Variants in EVC observed in about 807,000 individuals in gnomAD.
EVC encodes evC complex member EVC.
Under a neutral mutation model 118.9 loss-of-function variants are expected in EVC, and 116 were observed. The observed-to-expected ratio is 0.98, with a 90% CI of 0.84 to 1.14. The LOEUF is 1.14. Among genes scored for constraint, EVC ranks in the 50% most tolerant of loss-of-function variants. The probability of loss-of-function intolerance (pLI) is 0.00; values close to 1 mark genes in which losing one functional copy is unlikely to be tolerated. For missense variants in EVC, 1,401 were observed against 1,246.4 expected, an observed-to-expected ratio of 1.12 and a Z score of -1.87; for synonymous variants, 619 against 534.7, an observed-to-expected ratio of 1.16 and a Z score of -2.18.
At chr4:5,757,384 G>C (rs1731329205) in intron 11 of EVC, among the ~76,000 whole-genome samples, 1 of 152,210 alleles carries the variant, frequency 6.6e-6, no homozygotes, top group African/African-American at 2.4e-5. Flanking sequence ...CTCATGCAGT[G>C]GTGGGAAGTG....
Position 5,745,224 on chromosome 4 carries a change from G to C in EVC, c.822G>C (p.Lys274Asn). 1.2e-6 allele frequency: 2 copies of C among 1,613,758 alleles called. No homozygotes were observed. Among genetic ancestry groups the C allele is most frequent in the Non-Finnish European group, 1.7e-6 (2 of 1,179,854 alleles). Reference sequence around the variant, plus strand: ...TTCAGGATTTGGAGGAACTAGAAAAGGGACTTCAGGTCAAACTGTCAAACA... The same window carrying C: ...TTCAGGATTTGGAGGAACTAGAAAACGGACTTCAGGTCAAACTGTCAAACA... ...KQEKDLEELE[K>N]GLQVKLSNTE... Residue 274 changes from lysine to asparagine, a missense_variant, in exon 7 of 21, where the codon AAG becomes AAC. Transcript: ENST00000264956.
intron 1 of EVC, among the ~76,000 whole-genome samples, chr4:5,715,631 G>C (rs1723808482): frequency 6.6e-6 from 1 of 151,772 alleles, no homozygotes; most frequent in Non-Finnish European, 1.5e-5. Flanking sequence ...ACTCTTTTGA[G>C]AACTTCTATG....
chr4:5,825,228 AGCACTG>A, the EVC span: 1 of 985,316 alleles, frequency 1.0e-6, no homozygotes, highest in Non-Finnish European at 1.2e-6. This position sits in a 1 kb window ranked among gnomAD's most constrained non-coding sequence, Gnocchi z 4.4. Context: ...TGTAAGGATG[AGCACTG>A]GGACAATTTT....
At chr4:5,760,832 G>A (rs182679165) in intron 11 of EVC, among the ~76,000 whole-genome samples, 6 of 152,276 alleles carry the variant, frequency 3.9e-5, no homozygotes, top group East Asian at 1.9e-4. Context: ...GATTATAGGC[G>A]TGAGCCACCG....
rs1018596927 is a variant in EVC at position 5,813,979 on chromosome 4, T to C, written c.*2942T>C. 1.3e-5 allele frequency: 2 copies of C among 152,252 alleles called. No individual in the cohort carries two copies. 9.4% of individuals were successfully genotyped at this position (152,252 alleles called of 1,614,324 possible). Reference sequence around the variant, plus strand: ...CTTCCATGCTGGAATTGCTCCCTGATTAAAATGAGATATGGCTATTTGGAA... The same window carrying C: ...CTTCCATGCTGGAATTGCTCCCTGACTAAAATGAGATATGGCTATTTGGAA... On this transcript the variant is annotated 3_prime_UTR_variant, in exon 21 of 21. Transcript: ENST00000264956.
At chr4:5,716,571 T>C (rs10027288) in intron 1 of EVC, among the ~76,000 whole-genome samples, 126,367 of 152,128 alleles carry the variant, frequency 0.83, 52,809 homozygotes, top group African/African-American at 0.92. Context: ...TCAGAGTGGA[T>C]CCATTGGATG....
intron 11 of EVC, among the ~76,000 whole-genome samples, chr4:5,760,898 G>A (rs1040441224): frequency 6.6e-6 from 1 of 152,146 alleles, no homozygotes; most frequent in African/African-American, 2.4e-5. Flanking sequence ...AGTCTGGAGG[G>A]ATTTCCTTAG....
downstream of EVC, among the ~76,000 whole-genome samples, chr4:5,819,020 A>G (rs185981979): frequency 4.6e-5 from 7 of 152,196 alleles, no homozygotes; most frequent in South Asian, 2.1e-4. Context: ...GACTTACAAC[A>G]AAGGCCCCAC....
intron 15 of EVC, among the ~76,000 whole-genome samples, chr4:5,799,399 C>G (rs1325934324): frequency 6.6e-6 from 1 of 152,212 alleles, no homozygotes; most frequent in African/African-American, 2.4e-5. Context: ...ATTTTCCCCA[C>G]AGTCCTTGCA....
rs1729211125 is a variant in EVC, at chr4:5,745,361, T to A, written c.939+20T>A. On this transcript the variant is annotated intron_variant, in intron 7 of 20. Transcript: ENST00000264956. ...GATAATGTGCGTGCCAGACTTTCTT[T>A]CCTGTACACAAATTTTGGTTCCTAA... is the stretch of plus-strand genomic sequence containing the variant. 6.2e-7 allele frequency: 1 copy of A among 1,609,436 alleles called. No individual in the cohort carries two copies.
chr4:5,729,660 A>C (rs1440933139), intron 3 of EVC, among the ~76,000 whole-genome samples: 1 of 152,142 alleles, frequency 6.6e-6, no homozygotes, highest in Non-Finnish European at 1.5e-5. Context: ...ACACTAATAC[A>C]AACACTGATA....
At chr4:5,758,943 C>T (rs1424831657) in intron 11 of EVC, among the ~76,000 whole-genome samples, 2 of 152,098 alleles carry the variant, frequency 1.3e-5, no homozygotes, top group African/African-American at 4.8e-5. Flanking sequence ...AGACAGGATG[C>T]CCTGGGAGAT....
chr4:5,718,256 A>G (rs1211014083), intron 1 of EVC, among the ~76,000 whole-genome samples: 2 of 152,214 alleles, frequency 1.3e-5, no homozygotes, highest in Non-Finnish European at 2.9e-5. Flanking sequence ...CAACATTTCC[A>G]TTAACCAGTC....
At chr4:5,824,233 T>C in the EVC span, 2 of 944,754 alleles carry the variant, frequency 2.1e-6, no homozygotes, top group Non-Finnish European at 2.5e-6. Flanking sequence ...TGCACCCAGA[T>C]AGCTTTTTCC....
chr4:5,745,699 C>A (rs1336655119), intron 7 of EVC, among the ~76,000 whole-genome samples: 6 of 152,312 alleles, frequency 3.9e-5, no homozygotes. Context: ...GTTTTAAATT[C>A]CAGACAGAAT....
chr4:5,737,381 C>T lies in EVC; in HGVS notation c.702+3946C>T, dbSNP rs541859441. On this transcript the variant is annotated intron_variant, in intron 5 of 20. Transcript: ENST00000264956. This position sits in a 1 kb window ranked among gnomAD's most constrained non-coding sequence, Gnocchi z 5.0. ...GTTACCCAGAAGATCTAGCTAAGAC[C>T]ATTGAGCAAGGTGGCTGCACTAAAC... Among the ~76,000 whole-genome samples, 23 of 152,304 alleles carry T rather than the reference C, an allele frequency of 1.5e-4. No individual in the cohort carries two copies. Among genetic ancestry groups the T allele is most frequent in the African/African-American group, 4.6e-4 (19 of 41,558 alleles).
intron 11 of EVC, among the ~76,000 whole-genome samples, chr4:5,780,016 A>G (rs1330507881): frequency 2.0e-5 from 3 of 152,194 alleles, no homozygotes; most frequent in Non-Finnish European, 4.4e-5. Context: ...GATACGTCCC[A>G]TCAATACCTA....
In EVC at chr4:5,737,274, GTT is replaced by G. The variant is rs926968187; in HGVS notation, c.702+3841_702+3842del. Among the ~76,000 whole-genome samples, 2 of 152,212 alleles carry G rather than the reference GTT, an allele frequency of 1.3e-5. No homozygotes were observed. Among genetic ancestry groups the G allele is most frequent in the African/African-American group, 4.8e-5 (2 of 41,454 alleles). On this transcript the variant is annotated intron_variant, in intron 5 of 20. Coordinates refer to ENST00000264956, the MANE Select transcript of EVC (RefSeq NM_153717.3). This position sits in a 1 kb window ranked among gnomAD's most constrained non-coding sequence, Gnocchi z 5.0. ...AAATTTGAAGCTAGCAGAGCATGAG[GTT>G]TAAAGAAAGAAGCTGTCTCCAGAAC...
intron 1 of EVC, among the ~76,000 whole-genome samples, chr4:5,713,432 C>A (rs1723376571): frequency 6.6e-6 from 1 of 152,170 alleles, no homozygotes; most frequent in Admixed American, 6.5e-5. Flanking sequence ...CACCCCAGCA[C>A]TTTGGGAGGC....
Sources: gnomAD v4.1 joint callset for allele counts (sites outside exome capture counted in the v4.1 genomes callset) on GRCh38, gnomAD v4.1.1 for gene constraint, Gnocchi (gnomAD v3.1) non-coding constraint, MANE v1.5 for transcripts, NCBI Gene and HGNC (gene_info 2026-07-23, HGNC 2026-07-21) for gene names.